FER: variants seen among roughly 807,000 people sequenced by gnomAD.
The protein encoded by FER is FER tyrosine kinase.
FER carries 63 observed loss-of-function variants against 111.0 expected under a neutral mutation model. The observed-to-expected ratio is 0.57, with a 90% confidence interval of 0.46 to 0.70. FER has a LOEUF of 0.70. FER is among the 30% of genes least tolerant of loss of function. The pLI, the probability that FER is intolerant of heterozygous loss-of-function variation, is 0.00. For synonymous variants in FER, 327 were observed against 313.9 expected (o/e 1.04, Z -0.44); for missense variants, 914 against 954.0 (o/e 0.96, Z 0.55).
At position 108,814,544 on chromosome 5, in the gene FER, A is replaced by C. The variant is rs190192324; in HGVS notation, c.207+16155A>C. Reference sequence around the variant, plus strand: ...TAAAGGATTACTTTTCTTAATTACTATATTTTGCAAGAATTGATGTTATTA... The same window carrying C: ...TAAAGGATTACTTTTCTTAATTACTCTATTTTGCAAGAATTGATGTTATTA... On this transcript the variant is annotated intron_variant, in intron 3 of 19. Coordinates refer to ENST00000281092, the MANE Select transcript of FER (RefSeq NM_005246.4). 4.6e-5 allele frequency among the ~76,000 whole-genome samples: 7 copies of C among 152,324 alleles called. No individual in the cohort carries two copies. The East Asian group carries it at 1.3e-3, about 29-fold the overall frequency.
At chr5:109,049,169 A>G (rs1772400342) in intron 16 of FER, among the ~76,000 whole-genome samples, 1 of 152,186 alleles carries the variant, frequency 6.6e-6, no homozygotes, top group Admixed American at 6.5e-5. Flanking sequence ...CTGCACAAGT[A>G]ATTATCACAA....
intron 10 of FER, among the ~76,000 whole-genome samples, chr5:108,911,352 T>C (rs1049832053): frequency 6.6e-6 from 1 of 152,164 alleles, no homozygotes; most frequent in Non-Finnish European, 1.5e-5. Flanking sequence ...CAGTTCCCTA[T>C]AGATTCTGGA....
intron 10 of FER, among the ~76,000 whole-genome samples, chr5:108,945,693 T>A (rs1465176406): frequency 6.7e-6 from 1 of 148,800 alleles, no homozygotes; most frequent in Admixed American, 6.7e-5. Context: ...TCCATATACT[T>A]TTATTCCTGT....
Position 108,857,540 on chromosome 5 carries a change from C to T in FER, c.482-10227C>T, listed in dbSNP as rs372754487. Among the ~76,000 whole-genome samples the T allele has an allele frequency of 5.7e-4, 87 of 152,060 alleles. No individual in the cohort carries two copies. The South Asian group carries it at 0.012, about 22-fold the overall frequency. The stretch of plus-strand genomic sequence containing the variant: ...ATAAGTATTGTAGGGAAAACGTTGA[C>T]GCTATGTAAATACGGTGTTACTCTT... On this transcript the variant is annotated intron_variant, in intron 5 of 19. Transcript: ENST00000281092.
Position 108,954,774 on chromosome 5 carries a change from G to C in FER, c.1375G>C (p.Asp459His). 4 of 1,611,644 alleles carry C rather than the reference G, an allele frequency of 2.5e-6. No homozygotes were observed. The highest frequency in any genetic ancestry group is 3.4e-6 in the Non-Finnish European group (4 of 1,178,782). ...CAGTGAGAAGCCTTTGGCAGAACAG[G>C]ACTGGTACCATGGTGCAATTCCCAG... ...SISEKPLAEQ[D>H]WYHGAIPRIE... The change falls in exon 12 of 20, where the codon GAC (aspartate) becomes CAC (histidine). Residue 459 changes from aspartate (D) to histidine (H), a missense_variant. Physicochemically the swap from Asp to His is moderately conservative, Grantham distance 81 (BLOSUM62 -1). Transcript: ENST00000281092.
At chr5:108,850,193 CAA>C (rs57756039) in intron 5 of FER, among the ~76,000 whole-genome samples, 101 of 126,726 alleles carry the variant, frequency 8.0e-4, no homozygotes, top group African/African-American at 2.8e-3. Context: ...GACTCCGTCT[CAA>C]AAAAAAAAAA....
chr5:108,859,045 T>C (rs1297228115), intron 5 of FER, among the ~76,000 whole-genome samples: 1 of 152,142 alleles, frequency 6.6e-6, no homozygotes, highest in African/African-American at 2.4e-5. Context: ...AAAGGTATAC[T>C]TACATGTGAT....
chr5:109,055,233 A>G (rs193033221), intron 16 of FER, among the ~76,000 whole-genome samples: 1 of 152,246 alleles, frequency 6.6e-6, no homozygotes, highest in Non-Finnish European at 1.5e-5. Context: ...ATGGGGGAAA[A>G]CTCTGGGACA....
At chr5:109,167,834 G>A (rs1475824321) in intron 17 of FER, among the ~76,000 whole-genome samples, 1 of 152,100 alleles carries the variant, frequency 6.6e-6, no homozygotes, top group East Asian at 1.9e-4. Flanking sequence ...TAGACAAGCA[G>A]GGTAGTCAAA....
chr5:108,861,917 C>T (rs1763560809), intron 5 of FER, among the ~76,000 whole-genome samples: 1 of 152,138 alleles, frequency 6.6e-6, no homozygotes, highest in Non-Finnish European at 1.5e-5. Context: ...GAATCCCTTT[C>T]CAAATCATGG....
chr5:108,854,018 C>G lies in FER; in HGVS notation c.482-13749C>G, dbSNP rs115804260. ...AGCAAAAGAAGTGCTGAGAAGTGCTCAAATTCTGTATAAACAATTAATTCT... is the reference window on the plus strand; with the variant it reads ...AGCAAAAGAAGTGCTGAGAAGTGCTGAAATTCTGTATAAACAATTAATTCT... On this transcript the variant is annotated intron_variant, in intron 5 of 19. Coordinates refer to ENST00000281092, the MANE Select transcript of FER (RefSeq NM_005246.4). Among the ~76,000 whole-genome samples, 522 of 152,234 alleles carry G rather than the reference C, an allele frequency of 3.4e-3. 3 individuals are homozygous for G. The highest frequency in any genetic ancestry group is 6.8e-3 in the Middle Eastern group (2 of 294).
chr5:108,755,522 G>C (rs976134099), intron 1 of FER, among the ~76,000 whole-genome samples: 3 of 152,060 alleles, frequency 2.0e-5, no homozygotes, highest in Non-Finnish European at 4.4e-5. Context: ...TTCCACTCTT[G>C]TTGCCCAGGC....
intron 9 of FER, among the ~76,000 whole-genome samples, chr5:108,894,116 C>T (rs191292041): frequency 1.2e-4 from 19 of 152,102 alleles, no homozygotes; most frequent in African/African-American, 4.6e-4. Flanking sequence ...AAGGCAGGTG[C>T]TGGGGACTGG....
intron 13 of FER, among the ~76,000 whole-genome samples, chr5:109,002,779 A>G (rs1190654440): frequency 2.6e-5 from 4 of 151,974 alleles, no homozygotes; most frequent in African/African-American, 9.7e-5. Flanking sequence ...CAAGAAAAAA[A>G]CAACCGCATC....
chr5:108,958,771 A>G (rs1190798833), intron 12 of FER, among the ~76,000 whole-genome samples: 2 of 151,878 alleles, frequency 1.3e-5, no homozygotes. Flanking sequence ...AATATTTACC[A>G]TCAGATTGGA....
chr5:108,930,648 T>C (rs1754531255), intron 10 of FER, among the ~76,000 whole-genome samples: 1 of 122,152 alleles, frequency 8.2e-6, no homozygotes, highest in Admixed American at 9.0e-5. Context: ...TGAGACAGGG[T>C]CTCGCTCTGT....
chr5:108,903,955 C>G (rs77519260), intron 10 of FER, among the ~76,000 whole-genome samples: 2,437 of 152,212 alleles, frequency 0.016, 76 homozygotes, highest in African/African-American at 0.056. Flanking sequence ...AATGATATGC[C>G]TGCTGTTCTT....
chr5:108,818,101 C>T (rs1758462530), intron 3 of FER: 1 of 151,958 alleles, frequency 6.6e-6, no homozygotes. Flanking sequence ...TTTTTGGTCA[C>T]AAAACAACAC....
chr5:108,945,651 A>G (rs2149624375), intron 10 of FER, among the ~76,000 whole-genome samples: 1 of 152,128 alleles, frequency 6.6e-6, no homozygotes, highest in South Asian at 2.1e-4. Flanking sequence ...CTTCCTAGGT[A>G]CTGAAGTGAA....
Sources: gnomAD v4.1 joint callset for allele counts (sites outside exome capture counted in the v4.1 genomes callset) on GRCh38, gnomAD v4.1.1 for gene constraint, MANE v1.5 for transcripts, NCBI Gene and HGNC (gene_info 2026-07-23, HGNC 2026-07-21) for gene names.